PRMT3: variants seen among roughly 807,000 people sequenced by gnomAD.
PRMT3 encodes protein arginine methyltransferase 3.
Under a neutral mutation model 71.9 loss-of-function variants are expected in PRMT3, and 62 were observed. That is an observed-to-expected ratio of 0.86 (90% CI 0.70 to 1.07). The LOEUF (loss-of-function observed/expected upper bound fraction) is 1.07. Among genes scored for constraint, PRMT3 ranks in the 50% least tolerant of loss-of-function variants. The pLI, the probability that PRMT3 is intolerant of heterozygous loss-of-function variation, is 0.00. For missense variants in PRMT3, 663 were observed against 643.0 expected, an observed-to-expected ratio of 1.03 and a Z score of -0.34; for synonymous variants, 213 against 220.4, an observed-to-expected ratio of 0.97 and a Z score of 0.30.
At chr11:20,390,930 G>T (rs1165038556) in intron 3 of PRMT3, among the ~76,000 whole-genome samples, 1 of 152,060 alleles carries the variant, frequency 6.6e-6, no homozygotes, top group Non-Finnish European at 1.5e-5. Context: ...TGTGCCTGTA[G>T]TCCCAGCTAC....
rs540660403 is a variant in PRMT3 at position 20,401,840 on chromosome 11, C to T, written c.706-1079C>T. Reference sequence around the variant, plus strand: ...CCTTGGTCACAGGTTATGGGAGACTCCAGAGTGTAGGAGCCTTATAATGTG... The same window carrying T: ...CCTTGGTCACAGGTTATGGGAGACTTCAGAGTGTAGGAGCCTTATAATGTG... On this transcript the variant is annotated intron_variant, in intron 7 of 15. Transcript: ENST00000331079. 1.1e-4 allele frequency among the ~76,000 whole-genome samples: 16 copies of T among 152,216 alleles called. No homozygotes were observed. In the South Asian group the frequency reaches 2.9e-3, roughly 28 times the overall value.
chr11:20,460,633 AATTTCAGACCTTTGTATTCAGCTAC>A (rs2133399325), intron 11 of PRMT3, among the ~76,000 whole-genome samples: 1 of 151,938 alleles, frequency 6.6e-6, no homozygotes, highest in African/African-American at 2.4e-5. Flanking sequence ...TCCTTTTTTG[AATTTCAGACCTTTGTATTCAGCTAC>A]ATTTCAGACA....
chr11:20,421,715 C>G (rs1849428792), intron 9 of PRMT3, among the ~76,000 whole-genome samples: 1 of 151,898 alleles, frequency 6.6e-6, no homozygotes. Flanking sequence ...TATTTTTTCC[C>G]TTGTCCTTTC....
At chr11:20,407,710 C>T (rs972464291) in intron 8 of PRMT3, 4 of 426,112 alleles carry the variant, frequency 9.4e-6, no homozygotes, top group Non-Finnish European at 1.7e-5. Context: ...TGGAAAGAGC[C>T]GGGCATGGTG....
intron 2 of PRMT3, among the ~76,000 whole-genome samples, chr11:20,388,769 G>A (rs752068610): frequency 8.5e-5 from 13 of 152,352 alleles, no homozygotes; most frequent in Non-Finnish European, 1.8e-4. Context: ...AGGTCACAAA[G>A]CTGTGGTGTG....
intron 8 of PRMT3, among the ~76,000 whole-genome samples, chr11:20,403,828 C>T (rs546642040): frequency 7.9e-5 from 12 of 152,028 alleles, no homozygotes; most frequent in Non-Finnish European, 1.6e-4. Flanking sequence ...TGTTATAATT[C>T]GGCTTTCATC....
intron 11 of PRMT3, among the ~76,000 whole-genome samples, chr11:20,457,385 A>G (rs577459441): frequency 2.0e-4 from 30 of 152,342 alleles, no homozygotes; most frequent in African/African-American, 7.2e-4. Context: ...TTTCACAATT[A>G]GACCTTAAGT....
intron 10 of PRMT3, among the ~76,000 whole-genome samples, chr11:20,443,254 G>A (rs2133375878): frequency 6.6e-6 from 1 of 152,332 alleles, no homozygotes; most frequent in South Asian, 2.1e-4. Context: ...TAGGGAGGAA[G>A]TATGTGTTTG....
At chr11:20,462,699 A>C (rs948198934) in intron 12 of PRMT3, among the ~76,000 whole-genome samples, 1 of 152,054 alleles carries the variant, frequency 6.6e-6, no homozygotes, top group Non-Finnish European at 1.5e-5. Context: ...ATTTTTTGCC[A>C]TGTTAATCTC....
intron 15 of PRMT3, among the ~76,000 whole-genome samples, chr11:20,507,082 C>G (rs532170629): frequency 1.3e-5 from 2 of 152,158 alleles, no homozygotes; most frequent in Non-Finnish European, 2.9e-5. Context: ...AATGCCATTC[C>G]TGAAGGTTCT....
chr11:20,500,556 A>G (rs992985993), intron 15 of PRMT3, among the ~76,000 whole-genome samples: 3 of 152,238 alleles, frequency 2.0e-5, no homozygotes, highest in South Asian at 2.1e-4. Context: ...CATGTAAGTC[A>G]GTATAACAAA....
chr11:20,406,334 T>C (rs951931753), intron 8 of PRMT3: 4 of 152,244 alleles, frequency 2.6e-5, no homozygotes, highest in African/African-American at 4.8e-5. Context: ...TTTTCCCGAA[T>C]GTTTTCGATT....
chr11:20,411,975 G>A (rs1224163896), intron 9 of PRMT3, among the ~76,000 whole-genome samples: 1 of 151,956 alleles, frequency 6.6e-6, no homozygotes, highest in Non-Finnish European at 1.5e-5. Context: ...TATCTATAAA[G>A]CTCCTGCATA....
exon 16 of PRMT3, chr11:20,509,334 CATT>C (rs1851672798): frequency 6.6e-6 from 1 of 151,956 alleles, no homozygotes; most frequent in East Asian, 1.9e-4. Flanking sequence ...TATCAAACAA[CATT>C]ATAAAATATT....
intron 10 of PRMT3, among the ~76,000 whole-genome samples, chr11:20,441,941 TG>T (rs1444303283): frequency 1.3e-5 from 2 of 151,886 alleles, no homozygotes; most frequent in Non-Finnish European, 2.9e-5. Flanking sequence ...TACAAGTGCC[TG>T]CCACCACGCC....
chr11:20,404,228 T>TGTTTTGTTTTGTTTTGTTTTG (rs1438845211), intron 8 of PRMT3, among the ~76,000 whole-genome samples: 12 of 101,846 alleles, frequency 1.2e-4, no homozygotes, highest in South Asian at 1.1e-3. Flanking sequence ...TTTTTTTTTT[T>TGTTTTGTTTTGTTTTGTTTTG]TTTTTTTTTT....
At position 20,474,727 on chromosome 11, in the gene PRMT3, C is replaced by T. The variant is rs117097288; in HGVS notation, c.1347+10181C>T. On this transcript the variant is annotated intron_variant, in intron 13 of 15. Coordinates refer to ENST00000331079, the MANE Select transcript of PRMT3 (RefSeq NM_005788.4). Reference sequence around the variant, plus strand: ...CTGTTAGAATGCTTGTTCTTCAGTACTGCAAGGAAAAATCAGCATTTAGAC... The same window carrying T: ...CTGTTAGAATGCTTGTTCTTCAGTATTGCAAGGAAAAATCAGCATTTAGAC... 2.6e-4 allele frequency among the ~76,000 whole-genome samples: 39 copies of T among 152,344 alleles called. 1 individual carries two copies. In the East Asian group the frequency reaches 5.6e-3, roughly 22 times the overall value.
chr11:20,490,187 CT>C (rs1445828527), intron 13 of PRMT3, among the ~76,000 whole-genome samples: 1 of 151,934 alleles, frequency 6.6e-6, no homozygotes, highest in Non-Finnish European at 1.5e-5. Context: ...CATGCTTCTG[CT>C]TTCTGTTTAA....
intron 10 of PRMT3, among the ~76,000 whole-genome samples, chr11:20,441,355 G>T (rs1440969347): frequency 6.6e-6 from 1 of 150,910 alleles, no homozygotes; most frequent in Non-Finnish European, 1.5e-5. Flanking sequence ...GCCCAGGCTG[G>T]AGTGCAGTGG....
Sources: gnomAD v4.1 joint callset for allele counts (sites outside exome capture counted in the v4.1 genomes callset) on GRCh38, gnomAD v4.1.1 for gene constraint, MANE v1.5 for transcripts, NCBI Gene and HGNC (gene_info 2026-07-23, HGNC 2026-07-21) for gene names.